The following GUCY2C variants were observed in gnomAD, a reference collection of about 807,000 sequenced individuals.
The protein encoded by GUCY2C is guanylyl cyclase C.
Under a neutral mutation model 131.1 loss-of-function variants are expected in GUCY2C, and 118 were observed. The observed-to-expected ratio is 0.90, with a 90% CI of 0.78 to 1.05. The LOEUF is 1.05. Among genes scored for constraint, GUCY2C ranks in the 50% least tolerant of loss-of-function variants. The pLI, the probability that GUCY2C is intolerant of heterozygous loss-of-function variation, is 0.00. For synonymous variants in GUCY2C, 452 were observed against 457.8 expected, an observed-to-expected ratio of 0.99 and a Z score of 0.16; for missense variants, 1,161 against 1,304.4, an observed-to-expected ratio of 0.89 and a Z score of 1.69.
At chr12:14,683,015 T>C in intron 4 of GUCY2C, 27 bp downstream of exon 4, 1 of 1,474,172 alleles carries the variant, frequency 6.8e-7, no homozygotes, top group South Asian at 1.1e-5. Context: ...TGGCAAGTGC[T>C]AGTGAAATAT....
intron 9 of GUCY2C, among the ~76,000 whole-genome samples, chr12:14,670,842 A>T (rs148375617): frequency 0.01 from 1,535 of 150,814 alleles, 39 homozygotes; most frequent in African/African-American, 0.035. Context: ...TTTTTTGGGG[A>T]AGAAAAGGAG....
intron 10 of GUCY2C, 63 bp downstream of exon 10, chr12:14,669,659 G>C: frequency 1.2e-6 from 1 of 818,842 alleles, no homozygotes; most frequent in East Asian, 2.5e-5. Flanking sequence ...ATAAACAATA[G>C]ACTTTACTTT....
At chr12:14,674,787 C>T (rs374578615) in intron 7 of GUCY2C, 27 bp from the exon 8 acceptor site, 15 of 1,560,542 alleles carry the variant, frequency 9.6e-6, no homozygotes, top group East Asian at 4.5e-5. Context: ...AATATTAAAA[C>T]GGGTCCTTCA....
chr12:14,666,501 GAGGC>G (rs1947982694), intron 10 of GUCY2C, among the ~76,000 whole-genome samples: 2 of 152,148 alleles, frequency 1.3e-5, no homozygotes, highest in South Asian at 4.1e-4. Flanking sequence ...TTGGGAGGCC[GAGGC>G]AGGCGGATCA....
At chr12:14,664,942 G>A (rs983666234) in intron 10 of GUCY2C, among the ~76,000 whole-genome samples, 1 of 152,256 alleles carries the variant, frequency 6.6e-6, no homozygotes, top group East Asian at 1.9e-4. Flanking sequence ...GAGGGGGCGC[G>A]GTGTCTCACA....
intron 12 of GUCY2C, among the ~76,000 whole-genome samples, chr12:14,655,091 A>G (rs911003877): frequency 6.6e-6 from 1 of 152,226 alleles, no homozygotes; most frequent in Admixed American, 6.5e-5. Context: ...TGTACAACCT[A>G]TGAAAGCTCA....
At chr12:14,678,585 C>T (rs1230826941) in intron 6 of GUCY2C, among the ~76,000 whole-genome samples, 2 of 152,180 alleles carry the variant, frequency 1.3e-5, no homozygotes, top group South Asian at 2.1e-4. Context: ...CCTTCATGAA[C>T]GTGTAGCCAT....
chr12:14,682,249 A>G (rs747735600), intron 4 of GUCY2C, among the ~76,000 whole-genome samples: 7 of 152,016 alleles, frequency 4.6e-5, no homozygotes, highest in Non-Finnish European at 1.0e-4. Context: ...AATAATCCCC[A>G]CGTGTCAAGG....
intron 7 of GUCY2C, among the ~76,000 whole-genome samples, chr12:14,675,926 A>C (rs1948226359): frequency 6.6e-6 from 1 of 152,260 alleles, no homozygotes; most frequent in Admixed American, 6.5e-5. Flanking sequence ...AAAAGAATCC[A>C]GTTAAGACCC....
intron 8 of GUCY2C, 166 bp downstream of exon 8, chr12:14,674,459 A>T: frequency 4.0e-6 from 3 of 740,834 alleles, no homozygotes; most frequent in Non-Finnish European, 4.8e-6. Context: ...TTCAGTTATC[A>T]ATAACAGCAC....
In GUCY2C at chr12:14,647,298, T is replaced by C. The variant is rs12312611; in HGVS notation, c.1711-1983A>G. 5.9e-3 allele frequency among the ~76,000 whole-genome samples: 899 copies of C among 152,212 alleles called. 6 individuals carry two copies. The highest frequency in any genetic ancestry group is 0.02 in the African/African-American group (847 of 41,510). ...CTCTTCATTCTCTTTTTCAAAACTG[T>C]TTTAGTTATTATTGCTCATATATAT... On this transcript the variant is annotated intron_variant, in intron 15 of 26. Coordinates refer to ENST00000261170, the MANE Select transcript of GUCY2C (RefSeq NM_004963.4).
intron 3 of GUCY2C, among the ~76,000 whole-genome samples, chr12:14,684,001 T>G (rs956480495): frequency 3.3e-5 from 5 of 152,210 alleles, no homozygotes; most frequent in Non-Finnish European, 7.3e-5. Flanking sequence ...TCCCTTTCTA[T>G]GTCCACTTCC....
In GUCY2C at chr12:14,613,126, G is replaced by A. The variant is rs1330477190; in HGVS notation, c.3213C>T (p.Thr1071=). The part of the protein sequence containing the change: ...LQLNTTDKES[T]YF ...TATACCTCATTTAGGTTTAAAAATAGGTGCTCTCCTTGTCTGTGGTATTCA... is the reference window on the plus strand; with the variant it reads ...TATACCTCATTTAGGTTTAAAAATAAGTGCTCTCCTTGTCTGTGGTATTCA... Residue 1071 remains threonine, a synonymous_variant, in exon 27 of 27, where the codon ACC becomes ACT. Transcript: ENST00000261170. This position sits in a 1 kb window ranked among gnomAD's most constrained non-coding sequence, Gnocchi z 4.9. 6.2e-7 allele frequency: 1 copy of A among 1,612,596 alleles called. No individual in the cohort carries two copies. The highest frequency in any genetic ancestry group is 1.7e-5 in the Admixed American group (1 of 59,898).
intron 16 of GUCY2C, among the ~76,000 whole-genome samples, chr12:14,644,690 T>C (rs1314897517): frequency 6.6e-6 from 1 of 151,824 alleles, no homozygotes; most frequent in Non-Finnish European, 1.5e-5. Flanking sequence ...TCCTGCAAGA[T>C]GGTTTCCTGT....
chr12:14,637,664 G>A (rs1165386733), intron 19 of GUCY2C, among the ~76,000 whole-genome samples: 2 of 151,962 alleles, frequency 1.3e-5, no homozygotes, highest in African/African-American at 2.4e-5. Context: ...TTTCAACAAC[G>A]GCTCCAAGAA....
intron 2 of GUCY2C, among the ~76,000 whole-genome samples, chr12:14,687,237 G>T (rs1353374281): frequency 6.6e-6 from 1 of 152,164 alleles, no homozygotes; most frequent in Non-Finnish European, 1.5e-5. Flanking sequence ...CTGGTGTGGG[G>T]CCTTGAAATA....
intron 15 of GUCY2C, among the ~76,000 whole-genome samples, chr12:14,650,283 C>G (rs1181810835): frequency 1.3e-5 from 2 of 152,174 alleles, no homozygotes; most frequent in African/African-American, 4.8e-5. Flanking sequence ...GAGTCTCGCT[C>G]TGTTGCCAGG....
intron 10 of GUCY2C, among the ~76,000 whole-genome samples, chr12:14,668,444 C>T (rs1035439516): frequency 2.6e-5 from 4 of 152,244 alleles, no homozygotes; most frequent in African/African-American, 9.6e-5. Flanking sequence ...GCTGGGATTA[C>T]AGGCGTGAGC....
At position 14,676,937 on chromosome 12, in the gene GUCY2C, C is replaced by G. The variant is rs201784983; in HGVS notation, c.865G>C (p.Asp289His). The change falls in exon 7 of 27, where the codon GAC (aspartate) becomes CAC (histidine). Residue 289 changes from aspartate (D) to histidine (H), a missense_variant. Transcript: ENST00000261170. ...QYFEDNVTAP[D>H]YMKNVLVLTL... ...AGAACAAGGACATTTTTCATATAGTCAGGGGCTGTGACATTGTCCTCAAAG... is the reference window on the plus strand; with the variant it reads ...AGAACAAGGACATTTTTCATATAGTGAGGGGCTGTGACATTGTCCTCAAAG... 4.3e-5 allele frequency: 67 copies of G among 1,560,904 alleles called. No individual in the cohort carries two copies. Among genetic ancestry groups the G allele is most frequent in the Non-Finnish European group, 7.0e-6 (8 of 1,142,012 alleles).
Sources: gnomAD v4.1 joint callset for allele counts (sites outside exome capture counted in the v4.1 genomes callset) on GRCh38, gnomAD v4.1.1 for gene constraint, Gnocchi (gnomAD v3.1) non-coding constraint, MANE v1.5 for transcripts, NCBI Gene and HGNC (gene_info 2026-07-23, HGNC 2026-07-21) for gene names.